Variants in KCTD13 observed in about 807,000 individuals in gnomAD.
KCTD13 encodes the protein BTB/POZ domain-containing adapter for CUL3-mediated RhoA degradation protein 1.
Under a neutral mutation model 32.3 loss-of-function variants are expected in KCTD13, and 15 were observed. The observed-to-expected ratio is 0.46, with a 90% CI of 0.31 to 0.71. KCTD13 has a LOEUF of 0.71. Ranked by LOEUF, KCTD13 falls within the 30% of genes least tolerant of loss-of-function variation. The pLI is 0.05. For missense variants in KCTD13, 337 were observed against 452.6 expected (o/e 0.74, Z 2.32); for synonymous variants, 189 against 200.1 (o/e 0.94, Z 0.47).
intron 2 of KCTD13, chr16:29,922,892 G>C (rs1453157371): frequency 2.2e-6 from 1 of 451,424 alleles, no homozygotes. Context: ...GAATAGATCG[G>C]GGTTGTGCTG....
chr16:29,923,142 G>A (rs1379340635), intron 2 of KCTD13, 48 bp downstream of exon 2: 3 of 1,599,508 alleles, frequency 1.9e-6, no homozygotes, highest in African/African-American at 1.3e-5. Flanking sequence ...ATACCTGCTT[G>A]GGCAGCTCTC....
chr16:29,908,724 A>C (rs1371603739), intron 5 of KCTD13, among the ~76,000 whole-genome samples: 1 of 144,834 alleles, frequency 6.9e-6, no homozygotes, highest in Non-Finnish European at 1.5e-5. Flanking sequence ...TGTTTCTAAG[A>C]CAAGATCTCA....
Position 29,925,967 on chromosome 16 carries a change from C to A in KCTD13, c.67G>T (p.Gly23Cys). Residue 23 changes from glycine (G) to cysteine (C), a missense_variant, in exon 1 of 6, where the codon GGT (glycine) becomes TGT (cysteine). Gly to Cys is a radical substitution (Grantham distance 159). This residue lies in a region of KCTD13 where 64 missense variants were observed against 59.6 expected (regional missense o/e 1.07). Transcript: ENST00000568000. ...APSLEAPKPSGLEPGPAAYGL... is the reference protein window; with the variant it reads ...APSLEAPKPSCLEPGPAAYGL... ...TAGGCGGCGGGGCCAGGCTCGAGAC[C>A]CGAGGGCTTGGGGGCTTCCAGGGAC... 1.2e-6 allele frequency: 2 copies of A among 1,612,810 alleles called. No homozygotes were observed. Among genetic ancestry groups the A allele is most frequent in the African/African-American group, 1.3e-5 (1 of 75,002 alleles).
chr16:29,923,236 T>C lies in KCTD13; in HGVS notation c.368A>G (p.Tyr123Cys). The C allele has an allele frequency of 6.2e-7, 1 of 1,614,220 alleles. No homozygotes were observed. The highest frequency in any genetic ancestry group is 8.5e-7 in the Non-Finnish European group (1 of 1,180,030). ...CTCAATCAGGCCCTGCACCAGGTAG[T>C]AGCGTGCTTCGCCCAGCAGCTCCCC... ...ELGELLGEAR[Y>C]YLVQGLIEDC... Residue 123 changes from tyrosine to cysteine, a missense_variant, in exon 2 of 6, where the codon TAC (tyrosine) becomes TGC (cysteine). Tyr to Cys is a radical substitution (Grantham distance 194). Coordinates refer to ENST00000568000, the MANE Select transcript of KCTD13 (RefSeq NM_178863.5).
chr16:29,907,124 C>T lies in KCTD13; in HGVS notation c.754-16G>A, dbSNP rs777105072. 1.5e-5 allele frequency: 23 copies of T among 1,571,812 alleles called. No individual in the cohort carries two copies. The highest frequency in any genetic ancestry group is 6.8e-5 in the East Asian group (3 of 44,430). The stretch of plus-strand genomic sequence containing the variant: ...GAAATTCCACCTGCAAAAGGCCAGC[C>T]GGCCCCAGCTCCTTCCTTCTGGTGC... On this transcript the variant is annotated splice_polypyrimidine_tract_variant and intron_variant, in intron 5 of 5. Coordinates refer to ENST00000568000, the MANE Select transcript of KCTD13 (RefSeq NM_178863.5).
chr16:29,923,221 C>A lies in KCTD13; in HGVS notation c.383G>T (p.Gly128Val), dbSNP rs746485102. The part of the protein sequence containing the change: ...LGEARYYLVQ[G>V]LIEDCQLALQ... Reference sequence around the variant, plus strand: ...CGCCAGCTGGCAGTCCTCAATCAGGCCCTGCACCAGGTAGTAGCGTGCTTC... The same window carrying A: ...CGCCAGCTGGCAGTCCTCAATCAGGACCTGCACCAGGTAGTAGCGTGCTTC... The change falls in exon 2 of 6, where the codon GGC becomes GTC. Residue 128 changes from glycine (G) to valine (V), a missense_variant. Gly to Val is a moderately radical substitution (Grantham distance 109). Transcript: ENST00000568000. The A allele has an allele frequency of 6.2e-7, 1 of 1,614,198 alleles. No homozygotes were observed.
At chr16:29,914,435 CTT>C (rs765793348) in intron 2 of KCTD13, 33 of 135,040 alleles carry the variant, frequency 2.4e-4, no homozygotes, top group Admixed American at 2.2e-4. Flanking sequence ...AAGTGCATTT[CTT>C]TTTTTTTTTT....
chr16:29,911,797 C>T lies in KCTD13; in HGVS notation c.557+18G>A, dbSNP rs201031864. The T allele has an allele frequency of 4.4e-4, 703 of 1,612,062 alleles. 4 individuals carry two copies. In the African/African-American group the frequency reaches 8.4e-3, roughly 19 times the overall value. ...GCATCCCAGGGTCCCGCCCAGTGCC[C>T]CGCACCCCGGCGGTCACCTGGTGTA... On this transcript the variant is annotated intron_variant, in intron 4 of 5. Coordinates refer to ENST00000568000, the MANE Select transcript of KCTD13 (RefSeq NM_178863.5).
rs1336151193 is a variant in KCTD13, at chr16:29,926,036, C to G, written c.-3G>C. 6.6e-7 allele frequency: 1 copy of G among 1,506,140 alleles called. No homozygotes were observed. The highest frequency in any genetic ancestry group is 2.4e-5 in the East Asian group (1 of 41,674). The allele number at this position is 1,506,140 out of a possible 1,614,324, so 93.3% of individuals were successfully genotyped here. A position where few individuals can be genotyped will look rare whatever the true frequency, so the allele number is the denominator to read the frequency against. On this transcript the variant is annotated 5_prime_UTR_variant, in exon 1 of 6. Transcript: ENST00000568000. ...GGGCCCGAGGCCTCCGCCGACATGC[C>G]GGGTAGCAGCGGCGGACGGCGATCC...
At chr16:29,912,329 G>A (rs1336269686) in intron 2 of KCTD13, 14 of 522,948 alleles carry the variant, frequency 2.7e-5, no homozygotes, top group South Asian at 2.2e-4. Flanking sequence ...TCAGCGTGGC[G>A]TGTCCGTCAT....
At chr16:29,908,747 G>A (rs1409046050) in intron 5 of KCTD13, among the ~76,000 whole-genome samples, 1 of 150,300 alleles carries the variant, frequency 6.7e-6, no homozygotes, top group East Asian at 2.0e-4. Context: ...CTGTTGCCTA[G>A]GCTGGAGTGC....
rs115261182 is a variant in KCTD13, at chr16:29,916,936, T to C, written c.415-4887A>G. Among the ~76,000 whole-genome samples the C allele has an allele frequency of 5.0e-3, 761 of 152,316 alleles. 6 individuals carry two copies. The highest frequency in any genetic ancestry group is 0.017 in the African/African-American group (713 of 41,572). On this transcript the variant is annotated intron_variant, in intron 2 of 5. Transcript: ENST00000568000. ...TGCTGTCGGCAGGGGCTTCAGTTCC[T>C]CACCAAGTGGACCTCTGCTTAGGGA... is the stretch of plus-strand genomic sequence containing the variant.
chr16:29,923,993 G>GGA (rs2150846628), intron 1 of KCTD13, among the ~76,000 whole-genome samples: 1 of 152,124 alleles, frequency 6.6e-6, no homozygotes, highest in South Asian at 2.1e-4. Flanking sequence ...TGACCAACAT[G>GGA]GAGAAATCCC....
Position 29,926,030 on chromosome 16 carries a change from A to G in KCTD13, c.4T>C (p.Ser2Pro). Reference sequence around the variant, plus strand: ...GCAGCCGGGCCCGAGGCCTCCGCCGACATGCCGGGTAGCAGCGGCGGACGG... The same window carrying G: ...GCAGCCGGGCCCGAGGCCTCCGCCGGCATGCCGGGTAGCAGCGGCGGACGG... MSAEASGPAAAA... is the reference protein window; with the variant it reads MPAEASGPAAAA... Residue 2 changes from serine to proline, a missense_variant, in exon 1 of 6, where the codon TCG (serine) becomes CCG (proline). Coordinates refer to ENST00000568000, the MANE Select transcript of KCTD13 (RefSeq NM_178863.5). The G allele has an allele frequency of 6.6e-7, 1 of 1,525,560 alleles. No homozygotes were observed. Among genetic ancestry groups the G allele is most frequent in the Non-Finnish European group, 8.7e-7 (1 of 1,143,138 alleles). 94.5% of individuals were successfully genotyped at this position (1,525,560 alleles called of 1,614,324 possible). A position where few individuals can be genotyped will look rare whatever the true frequency, so the allele number is the denominator to read the frequency against.
chr16:29,912,648 C>T (rs1335279686), intron 2 of KCTD13, among the ~76,000 whole-genome samples: 1 of 152,218 alleles, frequency 6.6e-6, no homozygotes, highest in Non-Finnish European at 1.5e-5. Context: ...CCATGTTGGT[C>T]AGGCTGGTCA....
intron 2 of KCTD13, among the ~76,000 whole-genome samples, chr16:29,915,957 TTAAGTG>T (rs2150839588): frequency 6.6e-6 from 1 of 152,282 alleles, no homozygotes; most frequent in African/African-American, 2.4e-5. Flanking sequence ...TCTTTTTCAT[TTAAGTG>T]TTTTTTTTCT....
chr16:29,910,043 A>T (rs1597012630), intron 5 of KCTD13, among the ~76,000 whole-genome samples: 1 of 147,308 alleles, frequency 6.8e-6, no homozygotes, highest in East Asian at 2.0e-4. Flanking sequence ...AGGTTAAGTG[A>T]GCTGAGATCA....
At chr16:29,911,721 G>T in intron 4 of KCTD13, 94 bp downstream of exon 4, 1 of 1,348,088 alleles carries the variant, frequency 7.4e-7, no homozygotes, top group Non-Finnish European at 1.0e-6. Flanking sequence ...TGTTCTTGTA[G>T]GCCCCCCGTG....
intron 2 of KCTD13, chr16:29,921,115 G>C (rs1381905660): frequency 1.3e-5 from 2 of 151,916 alleles, no homozygotes; most frequent in African/African-American, 4.8e-5. Context: ...AAAAAGTGCT[G>C]AATTAAAAAA....
Sources: allele counts gnomAD v4.1 joint callset (sites outside exome capture counted in the v4.1 genomes callset), GRCh38; gene constraint gnomAD v4.1.1; regional missense constraint gnomAD v4.1.1; transcripts MANE v1.5; gene names NCBI Gene and HGNC (gene_info 2026-07-23, HGNC 2026-07-21).